Variants in ALPK1 observed in about 807,000 individuals in gnomAD.
ALPK1 encodes the protein alpha-protein kinase 1.
ALPK1 carries 110 observed loss-of-function variants against 120.6 expected under a neutral mutation model. The observed-to-expected ratio is 0.91, with a 90% confidence interval of 0.78 to 1.07. ALPK1 has a LOEUF of 1.07. Among genes scored for constraint, ALPK1 ranks in the 50% least tolerant of loss-of-function variants. The pLI, the probability that ALPK1 is intolerant of heterozygous loss-of-function variation, is 0.00. For synonymous variants in ALPK1, 582 were observed against 560.3 expected (o/e 1.04, Z -0.55); for missense variants, 1,498 against 1,483.9 (o/e 1.01, Z -0.16).
chr4:112,405,671 A>G (rs1733136309), intron 4 of ALPK1, among the ~76,000 whole-genome samples: 3 of 151,934 alleles, frequency 2.0e-5, no homozygotes, highest in Admixed American at 6.6e-5. Flanking sequence ...CGCCTCCCAG[A>G]TTCAAGTGAT....
At chr4:112,302,846 C>T (rs1727851388) in intron 1 of ALPK1, among the ~76,000 whole-genome samples, 1 of 152,186 alleles carries the variant, frequency 6.6e-6, no homozygotes, top group Non-Finnish European at 1.5e-5. Context: ...GCCTCTACTC[C>T]TCGGCTCCAT....
At chr4:112,325,192 C>A (rs2148697094) in intron 2 of ALPK1, among the ~76,000 whole-genome samples, 2 of 152,298 alleles carry the variant, frequency 1.3e-5, no homozygotes, top group African/African-American at 4.8e-5. Context: ...AGGTAATGCA[C>A]CTATCTCCCT....
At chr4:112,379,120 C>T (rs998212093) in intron 3 of ALPK1, among the ~76,000 whole-genome samples, 1 of 152,224 alleles carries the variant, frequency 6.6e-6, no homozygotes, top group Non-Finnish European at 1.5e-5. Flanking sequence ...GTTTTTCTCT[C>T]CCTTTTACTA....
At chr4:112,323,604 A>C (rs1002176733) in intron 2 of ALPK1, among the ~76,000 whole-genome samples, 2 of 152,196 alleles carry the variant, frequency 1.3e-5, no homozygotes, top group African/African-American at 4.8e-5. Flanking sequence ...AGAACACACA[A>C]AAAATAAATG....
chr4:112,376,394 G>T (rs1008822754), intron 2 of ALPK1, among the ~76,000 whole-genome samples: 8 of 152,200 alleles, frequency 5.3e-5, no homozygotes, highest in African/African-American at 1.7e-4. Flanking sequence ...ATGTATGTGT[G>T]TAATGTGTGT....
chr4:112,337,129 T>C (rs981860992), intron 2 of ALPK1, among the ~76,000 whole-genome samples: 5 of 152,134 alleles, frequency 3.3e-5, no homozygotes, highest in Non-Finnish European at 5.9e-5. Context: ...GCCACTTTAC[T>C]GACTTTTTAA....
intron 3 of ALPK1, among the ~76,000 whole-genome samples, chr4:112,381,629 AAC>A (rs928135213): frequency 1.3e-5 from 2 of 152,208 alleles, no homozygotes; most frequent in African/African-American, 4.8e-5. Context: ...AGTGCAGTCA[AAC>A]ACAAAAAATT....
chr4:112,400,733 A>G (rs902320200), intron 4 of ALPK1, among the ~76,000 whole-genome samples: 1 of 152,194 alleles, frequency 6.6e-6, no homozygotes, highest in Admixed American at 6.5e-5. Flanking sequence ...TATAAAACAG[A>G]TAGGAGAATG....
chr4:112,386,978 G>A (rs1222301078), intron 4 of ALPK1, among the ~76,000 whole-genome samples: 2 of 152,200 alleles, frequency 1.3e-5, no homozygotes, highest in Non-Finnish European at 1.5e-5. Flanking sequence ...TCGGAGAAGG[G>A]CATTTCAGTC....
At chr4:112,314,933 T>A (rs961753661) in intron 1 of ALPK1, among the ~76,000 whole-genome samples, 4 of 139,658 alleles carry the variant, frequency 2.9e-5, no homozygotes, top group African/African-American at 1.1e-4. Context: ...CAGGCTGGAG[T>A]GCAGTGGCCT....
chr4:112,416,334 A>G (rs1405471033), intron 5 of ALPK1, among the ~76,000 whole-genome samples: 1 of 152,084 alleles, frequency 6.6e-6, no homozygotes, highest in Non-Finnish European at 1.5e-5. Context: ...TAACTGACCT[A>G]CCGGAAATGT....
At chr4:112,403,142 C>A (rs1732997519) in intron 4 of ALPK1, among the ~76,000 whole-genome samples, 1 of 152,062 alleles carries the variant, frequency 6.6e-6, no homozygotes, top group African/African-American at 2.4e-5. Context: ...CTTTAGCATC[C>A]CTTCCCTACC....
At chr4:112,425,003 C>G (rs1170338825) in intron 6 of ALPK1, 1 of 152,526 alleles carries the variant, frequency 6.6e-6, no homozygotes, top group East Asian at 1.9e-4. Context: ...CACACCCAAA[C>G]CCAGCTTACA....
intron 2 of ALPK1, chr4:112,357,036 C>T: frequency 2.4e-6 from 2 of 837,824 alleles, no homozygotes; most frequent in Non-Finnish European, 2.1e-6. Flanking sequence ...AGCGCGGACC[C>T]CACCAGCTCA....
At chr4:112,337,890 T>C (rs1729688732) in intron 2 of ALPK1, among the ~76,000 whole-genome samples, 1 of 152,250 alleles carries the variant, frequency 6.6e-6, no homozygotes, top group African/African-American at 2.4e-5. Flanking sequence ...GTAATAAGTT[T>C]AAATATATGT....
intron 2 of ALPK1, chr4:112,358,241 G>T: frequency 1.7e-6 from 1 of 588,144 alleles, no homozygotes. Context: ...GGTTGCCTTT[G>T]CAGACGCCAG....
intron 1 of ALPK1, among the ~76,000 whole-genome samples, chr4:112,303,617 C>A (rs1310163492): frequency 6.6e-6 from 1 of 152,092 alleles, no homozygotes; most frequent in African/African-American, 2.4e-5. Flanking sequence ...TGTTTTTGAA[C>A]AATTTGTATC....
chr4:112,436,762 C>T (rs1715586662), intron 12 of ALPK1, among the ~76,000 whole-genome samples: 3 of 152,150 alleles, frequency 2.0e-5, no homozygotes, highest in African/African-American at 7.2e-5. Flanking sequence ...AAATCAATTT[C>T]TGTTATTTAC....
chr4:112,403,463 T>G (rs1275550011), intron 4 of ALPK1, among the ~76,000 whole-genome samples: 2 of 152,176 alleles, frequency 1.3e-5, no homozygotes, highest in Non-Finnish European at 1.5e-5. Flanking sequence ...CTGAGTTGAC[T>G]TCTCTGCATT....
Sources: gnomAD v4.1 joint callset for allele counts (sites outside exome capture counted in the v4.1 genomes callset) on GRCh38, gnomAD v4.1.1 for gene constraint, MANE v1.5 for transcripts, NCBI Gene and HGNC (gene_info 2026-07-23, HGNC 2026-07-21) for gene names.